The following PREX2 variants were observed in gnomAD, a reference collection of about 807,000 sequenced individuals.
PREX2 encodes the protein phosphatidylinositol 3,4,5-trisphosphate-dependent Rac exchanger 2 protein.
A neutral mutation model predicts 203.2 loss-of-function variants in PREX2; 107 were observed. The observed-to-expected ratio is 0.53, with a 90% CI of 0.45 to 0.62. The LOEUF is 0.62. PREX2 is among the 20% of genes least tolerant of loss of function. The probability of loss-of-function intolerance (pLI) is 0.00; values close to 1 mark genes in which losing one functional copy is unlikely to be tolerated. For synonymous variants in PREX2, 672 were observed against 663.6 expected, an observed-to-expected ratio of 1.01 and a Z score of -0.19; for missense variants, 1,777 against 1,955.9, an observed-to-expected ratio of 0.91 and a Z score of 1.72.
chr8:68,153,574 G>C (rs1163232535), intron 34 of PREX2, among the ~76,000 whole-genome samples: 2 of 152,100 alleles, frequency 1.3e-5, no homozygotes, highest in African/African-American at 4.8e-5. Flanking sequence ...AAGGAAATTA[G>C]ACAAGGAAAT....
At chr8:68,089,827 A>G (rs182194086) in intron 19 of PREX2, among the ~76,000 whole-genome samples, 309 of 152,326 alleles carry the variant, frequency 2.0e-3, no homozygotes, top group African/African-American at 6.9e-3. Flanking sequence ...AATTATTTGC[A>G]TTGTATTCAT....
intron 25 of PREX2, among the ~76,000 whole-genome samples, chr8:68,114,963 A>G (rs1585805447): frequency 6.6e-6 from 1 of 150,724 alleles, no homozygotes; most frequent in East Asian, 2.0e-4. Flanking sequence ...ATATTTGGCT[A>G]GCACTTTAAA....
At chr8:68,016,757 C>T (rs769704703) in intron 1 of PREX2, among the ~76,000 whole-genome samples, 2 of 152,108 alleles carry the variant, frequency 1.3e-5, no homozygotes, top group African/African-American at 2.4e-5. Context: ...ACTAGGAGTA[C>T]AGGTGTGTGC....
In PREX2 at chr8:68,191,768, A is replaced by G. The variant is rs538433930; in HGVS notation, c.4393A>G (p.Lys1465Glu). 4 of 1,608,570 alleles carry G rather than the reference A, an allele frequency of 2.5e-6. No homozygotes were observed. Among genetic ancestry groups the G allele is most frequent in the Non-Finnish European group, 3.4e-6 (4 of 1,175,234 alleles). ...AAATTCACCACCAAACTCCACATCC[A>G]AAGCTGCCTATGTAGATAAGGTAAA... is the stretch of plus-strand genomic sequence containing the variant. ...KSNSPPNSTS[K>E]AAYVDKLMRP... Residue 1465 changes from lysine (K) to glutamate (E), a missense_variant, in exon 36 of 40, where the codon AAA becomes GAA. Coordinates refer to ENST00000288368, the MANE Select transcript of PREX2 (RefSeq NM_024870.4).
At chr8:68,187,197 G>A (rs1244489121) in intron 35 of PREX2, among the ~76,000 whole-genome samples, 1 of 152,158 alleles carries the variant, frequency 6.6e-6, no homozygotes, top group Non-Finnish European at 1.5e-5. Flanking sequence ...GCTGCACCTA[G>A]TTAAGCCGTT....
At chr8:68,014,958 C>A (rs778420197) in intron 1 of PREX2, among the ~76,000 whole-genome samples, 2 of 152,096 alleles carry the variant, frequency 1.3e-5, no homozygotes. Context: ...AAGTTTGAAA[C>A]CCACTAGCAT....
At chr8:68,125,989 C>T (rs920781031) in intron 30 of PREX2, among the ~76,000 whole-genome samples, 1 of 151,962 alleles carries the variant, frequency 6.6e-6, no homozygotes, top group South Asian at 2.1e-4. Context: ...CAGAGTCTTG[C>T]GGTGATTTTC....
intron 37 of PREX2, among the ~76,000 whole-genome samples, chr8:68,202,299 C>T (rs1454455201): frequency 6.6e-6 from 1 of 152,012 alleles, no homozygotes; most frequent in Non-Finnish European, 1.5e-5. Flanking sequence ...TGTGCTCTTG[C>T]TGGGTGGTCA....
rs544543653 is a variant in PREX2 at position 68,227,045 on chromosome 8, AC to A, written c.4775+2420del. Among the ~76,000 whole-genome samples the A allele has an allele frequency of 5.0e-4, 76 of 152,370 alleles. 1 individual carries two copies. The South Asian group carries it at 0.015, about 31-fold the overall frequency. On this transcript the variant is annotated intron_variant, in intron 39 of 39. Coordinates refer to ENST00000288368, the MANE Select transcript of PREX2 (RefSeq NM_024870.4). ...ATATAGGCAGAGCCAGATCAGAGAG[AC>A]TTGTAGGAGTACAGAAGAGTTTTGA...
At chr8:68,071,988 G>A (rs1344379460) in intron 13 of PREX2, among the ~76,000 whole-genome samples, 1 of 152,036 alleles carries the variant, frequency 6.6e-6, no homozygotes, top group Non-Finnish European at 1.5e-5. Context: ...TTATTAATAC[G>A]ATGTACAGTA....
intron 20 of PREX2, among the ~76,000 whole-genome samples, chr8:68,091,607 T>A (rs1308960923): frequency 6.6e-6 from 1 of 152,170 alleles, no homozygotes; most frequent in Non-Finnish European, 1.5e-5. Flanking sequence ...TTTTACTTAA[T>A]GAGAAGGTCA....
chr8:68,109,169 A>G (rs1407976988), intron 24 of PREX2, among the ~76,000 whole-genome samples: 2 of 152,148 alleles, frequency 1.3e-5, no homozygotes, highest in African/African-American at 4.8e-5. Flanking sequence ...TGTATTCTTG[A>G]TAAATCCTAA....
chr8:68,071,566 G>A (rs1809196067), intron 13 of PREX2, among the ~76,000 whole-genome samples: 1 of 152,052 alleles, frequency 6.6e-6, no homozygotes, highest in Non-Finnish European at 1.5e-5. Flanking sequence ...TATGATCCAG[G>A]TTTGGAAAAT....
In PREX2 at chr8:68,119,455, C is replaced by T. The variant is rs371787029; in HGVS notation, c.3445C>T (p.Arg1149Cys). The T allele has an allele frequency of 1.3e-5, 21 of 1,613,152 alleles. No individual in the cohort carries two copies. Among genetic ancestry groups the T allele is most frequent in the African/African-American group, 5.3e-5 (4 of 74,874 alleles). The change falls in exon 28 of 40, where the codon CGC becomes TGC. Residue 1149 changes from arginine to cysteine, a missense_variant. Arg to Cys is a radical substitution (Grantham distance 180, BLOSUM62 -3). Coordinates refer to ENST00000288368, the MANE Select transcript of PREX2 (RefSeq NM_024870.4). ...DSGDELPLSV[R>C]ISHDKQDKIH... Reference sequence around the variant, plus strand: ...AGGTGATGAACTTCCCTTAAGTGTTCGCATATCTCATGATAAACAGGACAA... The same window carrying T: ...AGGTGATGAACTTCCCTTAAGTGTTTGCATATCTCATGATAAACAGGACAA...
chr8:68,028,488 A>G (rs1200664324), intron 5 of PREX2, among the ~76,000 whole-genome samples: 3 of 152,182 alleles, frequency 2.0e-5, no homozygotes, highest in African/African-American at 7.2e-5. Flanking sequence ...CTAAAAATAT[A>G]GTTTAATACA....
intron 30 of PREX2, among the ~76,000 whole-genome samples, chr8:68,122,850 T>C (rs928163561): frequency 6.6e-6 from 1 of 152,114 alleles, no homozygotes; most frequent in African/African-American, 2.4e-5. Flanking sequence ...CTAATTTGAT[T>C]GTGTTATTGT....
intron 1 of PREX2, among the ~76,000 whole-genome samples, chr8:67,987,171 A>G (rs1250428106): frequency 7.9e-6 from 1 of 126,340 alleles, no homozygotes; most frequent in Non-Finnish European, 1.7e-5. Flanking sequence ...AAAAAAAAAA[A>G]AAAAAAAGAA....
At chr8:68,118,795 T>A (rs1326739922) in intron 27 of PREX2, 151 bp downstream of exon 27, 1 of 760,526 alleles carries the variant, frequency 1.3e-6, no homozygotes, top group South Asian at 1.4e-5. Flanking sequence ...TTCAGTTTTA[T>A]GAGCTTGATA....
chr8:68,141,523 C>G (rs1811230156), intron 33 of PREX2, among the ~76,000 whole-genome samples: 1 of 152,088 alleles, frequency 6.6e-6, no homozygotes, highest in Non-Finnish European at 1.5e-5. Flanking sequence ...TGTGATAAAT[C>G]CTATGAAGGA....
Sources: gnomAD v4.1 joint callset for allele counts (sites outside exome capture counted in the v4.1 genomes callset) on GRCh38, gnomAD v4.1.1 for gene constraint, MANE v1.5 for transcripts, NCBI Gene and HGNC (gene_info 2026-07-23, HGNC 2026-07-21) for gene names.